ABL1: variants seen among roughly 807,000 people sequenced by gnomAD.
ABL1 encodes ABL proto-oncogene 1, non-receptor tyrosine kinase.
ABL1 carries 11 observed loss-of-function variants against 94.7 expected under a neutral mutation model. The observed-to-expected ratio is 0.12, with a 90% CI of 0.07 to 0.19. ABL1 has a LOEUF of 0.19. ABL1 is among the 10% of genes least tolerant of loss of function. The pLI is 1.00. For synonymous variants in ABL1, 656 were observed against 622.4 expected (o/e 1.05, Z -0.80); for missense variants, 1,082 against 1,489.4 (o/e 0.73, Z 4.50).
Position 130,835,596 on chromosome 9 carries a change from C to A in ABL1, c.79+71C>A. 2 of 1,358,938 alleles carry A rather than the reference C, an allele frequency of 1.5e-6. No individual in the cohort carries two copies. Among genetic ancestry groups the A allele is most frequent in the Non-Finnish European group, 2.0e-6 (2 of 980,588 alleles). 84.2% of individuals were successfully genotyped at this position (1,358,938 alleles called of 1,614,324 possible). ...CCGCTGCTGCTGGGCCCTTCCTAGGCCTCGCCGCCCGCGCGCTCCCGCCTG... is the reference window on the plus strand; with the variant it reads ...CCGCTGCTGCTGGGCCCTTCCTAGGACTCGCCGCCCGCGCGCTCCCGCCTG... On this transcript the variant is annotated intron_variant, in intron 1 of 10. Transcript: ENST00000318560. The surrounding 1 kb of genome is among the most constrained non-coding windows in gnomAD (Gnocchi z 4.6).
At chr9:130,742,212 T>C (rs1831828940) in intron 1 of ABL1, among the ~76,000 whole-genome samples, 1 of 152,210 alleles carries the variant, frequency 6.6e-6, no homozygotes, top group African/African-American at 2.4e-5. Context: ...GTGCCCTAAC[T>C]GTGGTGGATG....
intron 1 of ABL1, among the ~76,000 whole-genome samples, chr9:130,764,953 C>CA (rs796266543): frequency 0.013 from 1,372 of 105,004 alleles, 8 homozygotes; most frequent in Middle Eastern, 0.016. Context: ...AAGACTGTCT[C>CA]AAAAAAAAAA....
intron 1 of ABL1, among the ~76,000 whole-genome samples, chr9:130,790,353 A>G (rs1392610290): frequency 6.6e-6 from 1 of 152,200 alleles, no homozygotes; most frequent in Admixed American, 6.5e-5. Context: ...ACATGTGTAC[A>G]TACTTCAGCC....
In ABL1 at chr9:130,855,049, G is replaced by A. The variant is rs757951694; in HGVS notation, c.502G>A (p.Glu168Lys). ...CCAGAGGTCCATCTCGCTGAGATAC[G>A]AAGGGAGGGTGTACCATTACAGGAT... ...PGQRSISLRY[E>K]GRVYHYRINT... Residue 168 changes from glutamate (E) to lysine (K), a missense_variant, in exon 3 of 11, where the codon GAA becomes AAA. Coordinates refer to ENST00000318560, the MANE Select transcript of ABL1 (RefSeq NM_005157.6). 6.2e-7 allele frequency: 1 copy of A among 1,614,220 alleles called. No homozygotes were observed. Among genetic ancestry groups the A allele is most frequent in the Non-Finnish European group, 8.5e-7 (1 of 1,180,050 alleles).
In ABL1 at chr9:130,884,461, A is replaced by C. The variant is rs1435318617; in HGVS notation, c.2171A>C (p.His724Pro). The C allele has an allele frequency of 6.2e-7, 1 of 1,612,772 alleles. No individual in the cohort carries two copies. The highest frequency in any genetic ancestry group is 1.3e-5 in the African/African-American group (1 of 74,936). The change falls in exon 11 of 11, where the codon CAT becomes CCT. Residue 724 changes from histidine to proline, a missense_variant. By Grantham distance (77) the His-to-Pro change is moderately conservative. This residue lies in a region of ABL1 where 780 missense variants were observed against 835.8 expected (regional missense o/e 0.93). Transcript: ENST00000318560. This position sits in a 1 kb window ranked among gnomAD's most constrained non-coding sequence, Gnocchi z 5.6. The part of the protein sequence containing the change: ...LRSCSASCVP[H>P]GAKDTEWRSV... Reference sequence around the variant, plus strand: ...TCTTGCTCCGCCTCCTGCGTTCCCCATGGGGCCAAGGACACGGAGTGGAGG... The same window carrying C: ...TCTTGCTCCGCCTCCTGCGTTCCCCCTGGGGCCAAGGACACGGAGTGGAGG...
At chr9:130,806,583 G>A (rs1361387840) in intron 1 of ABL1, among the ~76,000 whole-genome samples, 1 of 152,188 alleles carries the variant, frequency 6.6e-6, no homozygotes, top group East Asian at 1.9e-4. Flanking sequence ...GTAGGCAGAG[G>A]TGGGAGGATC....
intron 1 of ABL1, among the ~76,000 whole-genome samples, chr9:130,718,133 C>T (rs994746601): frequency 4.6e-5 from 7 of 151,276 alleles, no homozygotes; most frequent in Admixed American, 2.6e-4. Context: ...GCCTGGCCAA[C>T]GTGATGAAAC....
At chr9:130,801,944 CATT>C (rs1830060933) in intron 1 of ABL1, among the ~76,000 whole-genome samples, 1 of 152,108 alleles carries the variant, frequency 6.6e-6, no homozygotes, top group African/African-American at 2.4e-5. Context: ...ATCTGCGTAT[CATT>C]AAGTTTGGGC....
At chr9:130,856,667 T>C (rs1830980768) in intron 3 of ABL1, among the ~76,000 whole-genome samples, 1 of 152,238 alleles carries the variant, frequency 6.6e-6, no homozygotes, top group South Asian at 2.1e-4. Flanking sequence ...TAGAGTTACC[T>C]GGACACAGAT....
At position 130,887,032 on chromosome 9, in the gene ABL1, C is replaced by T. The variant is rs570159874; in HGVS notation, c.*1349C>T. 6.4e-5 allele frequency: 15 copies of T among 233,084 alleles called. No individual in the cohort carries two copies. The highest frequency in any genetic ancestry group is 8.8e-5 in the African/African-American group (4 of 45,454). 14.4% of individuals were successfully genotyped at this position (233,084 alleles called of 1,614,324 possible). ...TCTTCTCCCCGAGGCTGCCCCAGGC[C>T]GGAGCCCAGATACGGGGGCTGTGAC... On this transcript the variant is annotated 3_prime_UTR_variant, in exon 11 of 11. Coordinates refer to ENST00000318560, the MANE Select transcript of ABL1 (RefSeq NM_005157.6).
chr9:130,721,003 C>CA (rs369874774), intron 1 of ABL1, among the ~76,000 whole-genome samples: 135 of 139,962 alleles, frequency 9.6e-4, no homozygotes, highest in South Asian at 2.0e-3. Context: ...GACCCTGTCT[C>CA]AAAAAAAAAA....
intron 1 of ABL1, among the ~76,000 whole-genome samples, chr9:130,777,302 G>A (rs910131655): frequency 5.9e-5 from 9 of 152,248 alleles, no homozygotes; most frequent in Non-Finnish European, 1.3e-4. Context: ...TCCTATATAT[G>A]TGGATGGGGT....
intron 1 of ABL1, among the ~76,000 whole-genome samples, chr9:130,757,266 G>A (rs574776974): frequency 1.3e-5 from 2 of 152,242 alleles, no homozygotes; most frequent in East Asian, 3.9e-4. Flanking sequence ...TTTTCCTATT[G>A]AAAACTGAAA....
At chr9:130,740,438 A>G (rs1419942091) in intron 1 of ABL1, among the ~76,000 whole-genome samples, 2 of 152,244 alleles carry the variant, frequency 1.3e-5, no homozygotes, top group African/African-American at 4.8e-5. Flanking sequence ...CCCAGACATC[A>G]TCAGCTCCTT....
At chr9:130,769,317 T>G (rs1337232064) in intron 1 of ABL1, among the ~76,000 whole-genome samples, 2 of 150,484 alleles carry the variant, frequency 1.3e-5, no homozygotes, top group African/African-American at 4.9e-5. Flanking sequence ...AGAGCCAAAC[T>G]ATGGCCCTAG....
At chr9:130,762,144 C>A (rs201985655) in intron 1 of ABL1, among the ~76,000 whole-genome samples, 66 of 132,346 alleles carry the variant, frequency 5.0e-4, no homozygotes, top group Admixed American at 7.8e-4. Flanking sequence ...ACTCCCAGCT[C>A]AAAAAAAAAA....
intron 1 of ABL1, among the ~76,000 whole-genome samples, chr9:130,780,974 G>C (rs34593225): frequency 9.7e-4 from 148 of 152,350 alleles, no homozygotes; most frequent in African/African-American, 3.4e-3. Flanking sequence ...ATGGGTGCCT[G>C]ATTGGTCTGT....
intron 1 of ABL1, among the ~76,000 whole-genome samples, chr9:130,852,718 C>G (rs1401737145): frequency 6.6e-6 from 1 of 152,102 alleles, no homozygotes; most frequent in Non-Finnish European, 1.5e-5. Context: ...AACAAATAAC[C>G]TATTTGACCC....
rs1588284448 is a variant in ABL1 at position 130,885,875 on chromosome 9, C to T, written c.*192C>T. 4 of 679,526 alleles carry T rather than the reference C, an allele frequency of 5.9e-6. No individual in the cohort carries two copies. The East Asian group carries it at 8.4e-5, about 14-fold the overall frequency. The allele number at this position is 679,526 out of a possible 1,614,324, so 42.1% of individuals were successfully genotyped here. On this transcript the variant is annotated 3_prime_UTR_variant, in exon 11 of 11. Transcript: ENST00000318560. Reference sequence around the variant, plus strand: ...TACGTTTGCACCGCCTGCCCTCCCGCACCTTCCTCCTCCCCGCTCCGTCTC... The same window carrying T: ...TACGTTTGCACCGCCTGCCCTCCCGTACCTTCCTCCTCCCCGCTCCGTCTC...
Sources: gnomAD v4.1 joint callset for allele counts (sites outside exome capture counted in the v4.1 genomes callset) on GRCh38, gnomAD v4.1.1 for gene constraint, gnomAD v4.1.1 regional missense constraint, Gnocchi (gnomAD v3.1) non-coding constraint, MANE v1.5 for transcripts, NCBI Gene and HGNC (gene_info 2026-07-23, HGNC 2026-07-21) for gene names.